Variants in ADAMTSL1 observed in about 807,000 individuals in gnomAD.
The protein encoded by ADAMTSL1 is ADAMTS like 1, also known as ADAMTS-like protein 1.
In ADAMTSL1, 126 loss-of-function variants were observed where a neutral mutation model predicts 201.8. The ratio of observed to expected loss-of-function variants is 0.62; its 90% confidence interval spans 0.54 to 0.72. The LOEUF (loss-of-function observed/expected upper bound fraction) is 0.72. Ranked by LOEUF, ADAMTSL1 falls within the 30% of genes least tolerant of loss-of-function variation. The probability of loss-of-function intolerance (pLI) is 0.00; values close to 1 mark genes in which losing one functional copy is unlikely to be tolerated. For synonymous variants in ADAMTSL1, 1,121 were observed against 903.4 expected (o/e 1.24, Z -4.32); for missense variants, 2,679 against 2,277.8 (o/e 1.18, Z -3.59).
At chr9:18,172,378 A>G (rs1282574020) in intron 2 of ADAMTSL1, among the ~76,000 whole-genome samples, 1 of 152,130 alleles carries the variant, frequency 6.6e-6, no homozygotes, top group Non-Finnish European at 1.5e-5. Context: ...CACATGAAAG[A>G]GGTTCTCAGC....
At chr9:18,724,838 G>A (rs528564104) in intron 15 of ADAMTSL1, among the ~76,000 whole-genome samples, 19 of 152,168 alleles carry the variant, frequency 1.2e-4, no homozygotes, top group African/African-American at 4.6e-4. Flanking sequence ...CCTTCCAGAT[G>A]CTGTTGATCC....
chr9:18,700,625 A>C (rs1425290264), intron 13 of ADAMTSL1, among the ~76,000 whole-genome samples: 1 of 152,192 alleles, frequency 6.6e-6, no homozygotes, highest in African/African-American at 2.4e-5. Context: ...AAATATATAT[A>C]AGAATGAAGA....
At chr9:18,837,078 A>T (rs550204158) in intron 23 of ADAMTSL1, among the ~76,000 whole-genome samples, 3 of 152,212 alleles carry the variant, frequency 2.0e-5, no homozygotes, top group East Asian at 3.9e-4. Flanking sequence ...TTATTTTCTT[A>T]TTGGGATGCC....
intron 15 of ADAMTSL1, among the ~76,000 whole-genome samples, chr9:18,736,919 C>T (rs1818529083): frequency 6.6e-6 from 1 of 152,160 alleles, no homozygotes; most frequent in Non-Finnish European, 1.5e-5. Flanking sequence ...AGCCCCAAAA[C>T]CCTCCTCTGT....
intron 1 of ADAMTSL1, among the ~76,000 whole-genome samples, chr9:17,919,551 G>T (rs10810873): frequency 6.6e-6 from 1 of 151,594 alleles, no homozygotes; most frequent in Non-Finnish European, 1.5e-5. Context: ...CTAGATTTTC[G>T]TATCAATGGA....
At chr9:18,432,184 A>G (rs1410360928) in intron 2 of ADAMTSL1, among the ~76,000 whole-genome samples, 1 of 152,190 alleles carries the variant, frequency 6.6e-6, no homozygotes, top group Non-Finnish European at 1.5e-5. Flanking sequence ...ATTACATAAA[A>G]TAATCTCTTT....
intron 21 of ADAMTSL1, among the ~76,000 whole-genome samples, chr9:18,819,411 G>A (rs965114129): frequency 1.3e-5 from 2 of 148,728 alleles, no homozygotes; most frequent in Non-Finnish European, 3.0e-5. Flanking sequence ...AGCCGAGATC[G>A]AACCACTGCA....
At chr9:18,806,136 T>C (rs549074282) in intron 20 of ADAMTSL1, among the ~76,000 whole-genome samples, 1 of 152,342 alleles carries the variant, frequency 6.6e-6, no homozygotes, top group East Asian at 1.9e-4. Flanking sequence ...CCATTCAGGG[T>C]CAACAAACGT....
chr9:18,861,795 G>T (rs190870754), intron 23 of ADAMTSL1, among the ~76,000 whole-genome samples: 39 of 152,072 alleles, frequency 2.6e-4, no homozygotes, highest in African/African-American at 7.0e-4. Context: ...TCCCAGGAGC[G>T]AGCCAGCCAG....
intron 1 of ADAMTSL1, among the ~76,000 whole-genome samples, chr9:18,067,077 T>A (rs1319293851): frequency 6.6e-6 from 1 of 152,076 alleles, no homozygotes; most frequent in Non-Finnish European, 1.5e-5. Flanking sequence ...GCATGGCACA[T>A]GTACACATAT....
chr9:18,512,441 A>T (rs961278176), intron 2 of ADAMTSL1, among the ~76,000 whole-genome samples: 6 of 144,942 alleles, frequency 4.1e-5, no homozygotes, highest in Non-Finnish European at 9.0e-5. Context: ...TCTGTTTATT[A>T]AAAAAAAAAA....
intron 4 of ADAMTSL1, among the ~76,000 whole-genome samples, chr9:18,593,995 T>C (rs1023803200): frequency 6.6e-6 from 1 of 152,136 alleles, no homozygotes. Flanking sequence ...TTGTAGATGG[T>C]TTTGTTTGGT....
At chr9:18,295,784 C>G (rs1333492492) in intron 2 of ADAMTSL1, among the ~76,000 whole-genome samples, 2 of 152,146 alleles carry the variant, frequency 1.3e-5, no homozygotes, top group African/African-American at 2.4e-5. Flanking sequence ...CTTAAAAATT[C>G]TTGCATTAGA....
chr9:18,004,785 A>G (rs1055394299), intron 1 of ADAMTSL1, among the ~76,000 whole-genome samples: 13 of 152,064 alleles, frequency 8.5e-5, no homozygotes, highest in African/African-American at 2.4e-4. Context: ...ATTATTTATT[A>G]GAAGAAGGAG....
At chr9:18,885,572 G>A (rs1238098876) in intron 23 of ADAMTSL1, among the ~76,000 whole-genome samples, 1 of 152,196 alleles carries the variant, frequency 6.6e-6, no homozygotes, top group African/African-American at 2.4e-5. Context: ...TCATGGGAGG[G>A]CACTGTCAAG....
intron 16 of ADAMTSL1, among the ~76,000 whole-genome samples, chr9:18,758,195 T>G (rs1037246931): frequency 6.6e-6 from 1 of 152,150 alleles, no homozygotes; most frequent in Non-Finnish European, 1.5e-5. Flanking sequence ...TGCTTCAAAC[T>G]CATTTTCTTT....
At chr9:18,240,916 T>G (rs1831036493) in intron 2 of ADAMTSL1, among the ~76,000 whole-genome samples, 2 of 152,192 alleles carry the variant, frequency 1.3e-5, no homozygotes, top group African/African-American at 2.4e-5. Context: ...AAATTTCTCT[T>G]CTGCAGCTTC....
At chr9:18,086,596 A>G (rs1823780757) in intron 1 of ADAMTSL1, among the ~76,000 whole-genome samples, 4 of 152,204 alleles carry the variant, frequency 2.6e-5, no homozygotes, top group Non-Finnish European at 5.9e-5. Flanking sequence ...TTAAGCAGTA[A>G]GATAAGAACT....
At position 18,156,326 on chromosome 9, in the gene ADAMTSL1, A is replaced by G. The variant is rs149493640; in HGVS notation, c.88-7536A>G. ...AGCCAATGTAAACTAAGCAGGGGTG[A>G]AGAAAGAAGTTCCTTTGCCAATTTA... On this transcript the variant is annotated intron_variant, in intron 1 of 29. Transcript: ENST00000680146. 1.0e-3 allele frequency among the ~76,000 whole-genome samples: 154 copies of G among 152,110 alleles called. 1 individual carries two copies. The highest frequency in any genetic ancestry group is 3.4e-3 in the African/African-American group (141 of 41,536).
Sources: allele counts gnomAD v4.1 joint callset (sites outside exome capture counted in the v4.1 genomes callset), GRCh38; gene constraint gnomAD v4.1.1; transcripts MANE v1.5; gene names NCBI Gene and HGNC (gene_info 2026-07-23, HGNC 2026-07-21).